The following RASGRF1 variants were observed in gnomAD, a reference collection of about 807,000 sequenced individuals.
RASGRF1 encodes Ras protein specific guanine nucleotide releasing factor 1, also known as ras-specific guanine nucleotide-releasing factor 1.
In RASGRF1, 40 loss-of-function variants were observed where a neutral mutation model predicts 138.7. The ratio of observed to expected loss-of-function variants is 0.29; its 90% CI spans 0.22 to 0.38. The LOEUF is 0.38. Among genes scored for constraint, RASGRF1 ranks in the 10% least tolerant of loss-of-function variants. The probability of loss-of-function intolerance (pLI) is 1.00; values close to 1 mark genes in which losing one functional copy is unlikely to be tolerated. For synonymous variants in RASGRF1, 614 were observed against 663.2 expected, an observed-to-expected ratio of 0.93 and a Z score of 1.14; for missense variants, 1,108 against 1,650.4, an observed-to-expected ratio of 0.67 and a Z score of 5.69.
intron 19 of RASGRF1, among the ~76,000 whole-genome samples, chr15:78,996,793 G>A (rs775980571): frequency 2.2e-4 from 33 of 152,206 alleles, no homozygotes; most frequent in Non-Finnish European, 4.0e-4. Flanking sequence ...CTGAAGATGT[G>A]GAGGCCTGAA....
intron 24 of RASGRF1, among the ~76,000 whole-genome samples, chr15:78,976,677 T>C (rs956164612): frequency 6.6e-6 from 1 of 152,046 alleles, no homozygotes; most frequent in African/African-American, 2.4e-5. Flanking sequence ...ACACACGGCA[T>C]AGGGACTGAG....
At chr15:78,968,970 A>G (rs1342040375) in intron 26 of RASGRF1, among the ~76,000 whole-genome samples, 3 of 152,174 alleles carry the variant, frequency 2.0e-5, no homozygotes, top group African/African-American at 7.2e-5. Flanking sequence ...ATCTCCTCTT[A>G]GTAATTTTCC....
At chr15:79,056,121 G>A (rs1046293834) in intron 3 of RASGRF1, among the ~76,000 whole-genome samples, 40 of 152,254 alleles carry the variant, frequency 2.6e-4, no homozygotes, top group African/African-American at 7.5e-4. Context: ...GGTAGGATGC[G>A]TGGGGATGAA....
chr15:79,063,204 A>G (rs2057631484), intron 2 of RASGRF1, among the ~76,000 whole-genome samples: 2 of 152,208 alleles, frequency 1.3e-5, no homozygotes, highest in South Asian at 4.1e-4. Flanking sequence ...GGGAATACTT[A>G]TGTTGCATCC....
At chr15:79,000,467 G>A (rs926565515) in intron 16 of RASGRF1, among the ~76,000 whole-genome samples, 1 of 152,082 alleles carries the variant, frequency 6.6e-6, no homozygotes, top group African/African-American at 2.4e-5. Context: ...GGTTTCAGTA[G>A]TCTCCTTTGA....
chr15:79,072,376 T>C (rs942984369), intron 1 of RASGRF1, among the ~76,000 whole-genome samples: 9 of 149,044 alleles, frequency 6.0e-5, no homozygotes, highest in East Asian at 4.0e-4. Context: ...CCCGGGTTCA[T>C]GCCATTCTCC....
intron 1 of RASGRF1, among the ~76,000 whole-genome samples, chr15:79,071,519 C>T (rs1316667598): frequency 1.3e-5 from 2 of 149,888 alleles, no homozygotes; most frequent in African/African-American, 5.1e-5. Context: ...GCCGCCATGC[C>T]CGGCTAATTT....
intron 10 of RASGRF1, among the ~76,000 whole-genome samples, chr15:79,023,467 A>G (rs547513024): frequency 2.0e-5 from 3 of 152,254 alleles, no homozygotes; most frequent in African/African-American, 7.2e-5. Flanking sequence ...CAGCAATGAG[A>G]CAAGTAGTGG....
At chr15:78,997,140 G>C (rs958248944) in intron 19 of RASGRF1, among the ~76,000 whole-genome samples, 2 of 152,254 alleles carry the variant, frequency 1.3e-5, no homozygotes, top group Non-Finnish European at 2.9e-5. Flanking sequence ...CAGGTCACAT[G>C]AGTCACTGGC....
chr15:78,982,245 A>G (rs529099508), intron 23 of RASGRF1, among the ~76,000 whole-genome samples: 2 of 152,206 alleles, frequency 1.3e-5, no homozygotes, highest in Non-Finnish European at 2.9e-5. Context: ...GCAGTTCTAG[A>G]TGAAGTGTCA....
At chr15:79,057,025 G>T (rs2057520268) in intron 3 of RASGRF1, among the ~76,000 whole-genome samples, 1 of 152,158 alleles carries the variant, frequency 6.6e-6, no homozygotes, top group South Asian at 2.1e-4. Flanking sequence ...TGGGTCCTTG[G>T]CTGCTTATTC....
At chr15:79,038,832 A>G (rs1418748152) in intron 5 of RASGRF1, among the ~76,000 whole-genome samples, 1 of 152,048 alleles carries the variant, frequency 6.6e-6, no homozygotes, top group Admixed American at 6.6e-5. Context: ...ACTCACATAT[A>G]TATTATTTTA....
At position 79,032,439 on chromosome 15, in the gene RASGRF1, A is replaced by G. The variant is rs1377166090; in HGVS notation, c.959-123T>C. 5.6e-6 allele frequency: 5 copies of G among 886,756 alleles called. No homozygotes were observed. Among genetic ancestry groups the G allele is most frequent in the Non-Finnish European group, 7.0e-6 (4 of 575,478 alleles). 54.9% of individuals were successfully genotyped at this position (886,756 alleles called of 1,614,324 possible). ...GGGCCAGGTTCAAGTTCCCCACCCC[A>G]GAGACATCTCTGCTCTTGGGGATGA... On this transcript the variant is annotated intron_variant, in intron 6 of 26. Transcript: ENST00000558480. The surrounding 1 kb of genome is among the most constrained non-coding windows in gnomAD (Gnocchi z 4.5).
Position 79,046,563 on chromosome 15 carries a change from C to T in RASGRF1, c.878+183G>A, listed in dbSNP as rs1293609506. On this transcript the variant is annotated intron_variant, in intron 5 of 26. Transcript: ENST00000558480. This position sits in a 1 kb window ranked among gnomAD's most constrained non-coding sequence, Gnocchi z 5.3. ...ACTTTGTGAGCCTACATTTGTGCCCCTGCCCCAGACCCCACAATTATTGGG... is the reference window on the plus strand; with the variant it reads ...ACTTTGTGAGCCTACATTTGTGCCCTTGCCCCAGACCCCACAATTATTGGG... 6.6e-6 allele frequency among the ~76,000 whole-genome samples: 1 copy of T among 152,226 alleles called. No homozygotes were observed. The highest frequency in any genetic ancestry group is 1.5e-5 in the Non-Finnish European group (1 of 68,046).
chr15:79,065,080 G>C (rs1395792959), intron 1 of RASGRF1, among the ~76,000 whole-genome samples: 5 of 152,198 alleles, frequency 3.3e-5, no homozygotes, highest in Non-Finnish European at 5.9e-5. Context: ...AAGCAGAAGA[G>C]CCAGACAATA....
chr15:79,055,514 C>G lies in RASGRF1; in HGVS notation c.531+2820G>C, dbSNP rs146241621. Among the ~76,000 whole-genome samples the G allele has an allele frequency of 4.6e-5, 7 of 152,236 alleles. No homozygotes were observed. The East Asian group carries it at 1.4e-3, about 29-fold the overall frequency. ...TAAAAATATCTTGCCCTAATACACT[C>G]AATTGGAAGCATTGCTCCGAAAATT... On this transcript the variant is annotated intron_variant, in intron 3 of 26. Transcript: ENST00000558480.
In RASGRF1 at chr15:79,046,081, G is replaced by A. The variant is rs1429613611; in HGVS notation, c.878+665C>T. Among the ~76,000 whole-genome samples the A allele has an allele frequency of 2.0e-5, 3 of 152,144 alleles. No homozygotes were observed. The highest frequency in any genetic ancestry group is 2.0e-4 in the Admixed American group (3 of 15,282). On this transcript the variant is annotated intron_variant, in intron 5 of 26. Transcript: ENST00000558480. This position sits in a 1 kb window ranked among gnomAD's most constrained non-coding sequence, Gnocchi z 5.3. ...CAGCAGAAGAGCAGCCGTCAGCACA[G>A]CCTTCTGAAGAACCACAAGCCCCAT...
chr15:79,071,470 C>T (rs1304217313), intron 1 of RASGRF1, among the ~76,000 whole-genome samples: 4 of 151,910 alleles, frequency 2.6e-5, no homozygotes, highest in Non-Finnish European at 4.4e-5. Flanking sequence ...AGTGATTCTC[C>T]TGCCTCAGCC....
intron 1 of RASGRF1, among the ~76,000 whole-genome samples, chr15:79,069,322 C>T (rs1276159110): frequency 6.6e-6 from 1 of 152,328 alleles, no homozygotes; most frequent in East Asian, 1.9e-4. Flanking sequence ...AATGATTTTG[C>T]AAGCAACCTT....
Sources: allele counts gnomAD v4.1 joint callset (sites outside exome capture counted in the v4.1 genomes callset), GRCh38; gene constraint gnomAD v4.1.1; non-coding constraint Gnocchi (gnomAD v3.1); transcripts MANE v1.5; gene names NCBI Gene and HGNC (gene_info 2026-07-23, HGNC 2026-07-21).